Variants in NOC3L observed in about 807,000 individuals in gnomAD.
NOC3L encodes nucleolar complex protein 3 homolog.
NOC3L carries 85 observed loss-of-function variants against 102.5 expected under a neutral mutation model. The ratio of observed to expected loss-of-function variants is 0.83; its 90% CI spans 0.70 to 0.99. The LOEUF is 0.99. Ranked by LOEUF, NOC3L falls within the 50% of genes least tolerant of loss-of-function variation. NOC3L has a pLI of 0.00. For missense variants in NOC3L, 878 were observed against 914.9 expected (o/e 0.96, Z 0.52); for synonymous variants, 303 against 309.4 (o/e 0.98, Z 0.22).
the NOC3L span, among the ~76,000 whole-genome samples, chr10:94,319,864 C>CCTTTTTTTTTTTTT: frequency 1.1e-5 from 1 of 92,914 alleles, no homozygotes; most frequent in Non-Finnish European, 2.2e-5. Flanking sequence ...CAAAGGTGCT[C>CCTTTTTTTTTTTTT]TTTTTTTTTT....
Position 94,346,586 on chromosome 10 carries a change from A to C in NOC3L, c.1258-30T>G, listed in dbSNP as rs781282480. 96 of 1,214,700 alleles carry C rather than the reference A, an allele frequency of 7.9e-5. No homozygotes were observed. The Middle Eastern group carries it at 8.7e-4, about 11-fold the overall frequency. 75.2% of individuals were successfully genotyped at this position (1,214,700 alleles called of 1,614,324 possible). On this transcript the variant is annotated intron_variant, in intron 10 of 20. Transcript: ENST00000371361. Reference sequence around the variant, plus strand: ...TATTGGAAAAAAAACACAAATATACAGCTTAATATTTATATTGCCCTCAAA... The same window carrying C: ...TATTGGAAAAAAAACACAAATATACCGCTTAATATTTATATTGCCCTCAAA...
At chr10:94,335,580 G>A (rs2054209084) in intron 19 of NOC3L, among the ~76,000 whole-genome samples, 1 of 152,154 alleles carries the variant, frequency 6.6e-6, no homozygotes, top group African/African-American at 2.4e-5. Flanking sequence ...ATGGAAAACT[G>A]CAGAGCTCTT....
chr10:94,331,962 C>T (rs2054163573), downstream of NOC3L: 1 of 151,900 alleles, frequency 6.6e-6, no homozygotes, highest in Non-Finnish European at 1.5e-5. Flanking sequence ...ACCTCCACCT[C>T]CCAGGTTCAA....
In NOC3L at chr10:94,334,092, A is replaced by G. The variant is rs182312006; in HGVS notation, c.*85T>C. On this transcript the variant is annotated 3_prime_UTR_variant, in exon 21 of 21. Coordinates refer to ENST00000371361, the MANE Select transcript of NOC3L (RefSeq NM_022451.11). ...CTTAGGAAGCTTTCCTTGTATAAAA[A>G]GAAAAGATCCTAAGTTAACAACTCA... 2.7e-3 allele frequency: 1,831 copies of G among 672,512 alleles called. 11 individuals are homozygous for G. Among genetic ancestry groups the G allele is most frequent in the Non-Finnish European group, 2.6e-3 (1,017 of 385,922 alleles). 41.7% of individuals were successfully genotyped at this position (672,512 alleles called of 1,614,324 possible).
intron 11 of NOC3L, among the ~76,000 whole-genome samples, chr10:94,346,087 A>G (rs2054339610): frequency 6.6e-6 from 1 of 152,164 alleles, no homozygotes; most frequent in Non-Finnish European, 1.5e-5. Flanking sequence ...ATTAACAGAA[A>G]CTCACTTTGC....
At chr10:94,324,768 C>G in the NOC3L span, 10 of 1,045,686 alleles carry the variant, frequency 9.6e-6, no homozygotes, top group Admixed American at 1.7e-4. Context: ...TAGAGGGGAG[C>G]TCCTCAGCCC....
chr10:94,352,363 CCTT>C lies in NOC3L; in HGVS notation c.896_898del (p.Glu299del). 6.2e-7 allele frequency: 1 copy of C among 1,613,830 alleles called. No individual in the cohort carries two copies. The highest frequency in any genetic ancestry group is 1.7e-4 in the Middle Eastern group (1 of 6,016). ...ATAAAACTTGTATTGGCTAACCAGGCCTTCTTCAAATTCTCTTAACTTCTGGGT... is the reference window on the plus strand; with the variant it reads ...ATAAAACTTGTATTGGCTAACCAGGCCTTCAAATTCTCTTAACTTCTGGGT... On this transcript the variant is annotated inframe_deletion, in exon 8 of 21. Transcript: ENST00000371361.
At chr10:94,348,761 T>C (rs1157236723) in intron 10 of NOC3L, among the ~76,000 whole-genome samples, 1 of 152,166 alleles carries the variant, frequency 6.6e-6, no homozygotes, top group East Asian at 1.9e-4. Flanking sequence ...GTGATTACTG[T>C]TGGATCCAGC....
the NOC3L span, chr10:94,324,385 A>G: frequency 6.2e-7 from 1 of 1,614,086 alleles, no homozygotes; most frequent in Non-Finnish European, 8.5e-7. Context: ...CAGCATCCTG[A>G]GCAACCCCAA....
intron 10 of NOC3L, among the ~76,000 whole-genome samples, chr10:94,348,151 C>T (rs1220858980): frequency 6.7e-6 from 1 of 149,084 alleles, no homozygotes; most frequent in African/African-American, 2.4e-5. Context: ...ATATATTAAA[C>T]TATATAAAAT....
chr10:94,327,094 G>A, the NOC3L span, among the ~76,000 whole-genome samples: 2 of 151,014 alleles, frequency 1.3e-5, no homozygotes, highest in African/African-American at 4.9e-5. Context: ...CCCGGGAGAC[G>A]GAGGTTGCAG....
chr10:94,360,265 G>A (rs907513431), intron 2 of NOC3L, among the ~76,000 whole-genome samples: 6 of 152,032 alleles, frequency 3.9e-5, no homozygotes, highest in Non-Finnish European at 7.4e-5. Flanking sequence ...GCAGTGAGCC[G>A]GGATCGTGCC....
At chr10:94,334,331 T>C in intron 20 of NOC3L, 26 bp from the exon 21 acceptor site, 1 of 1,466,348 alleles carries the variant, frequency 6.8e-7, no homozygotes, top group Non-Finnish European at 9.5e-7. Context: ...AAGTATGAGT[T>C]AGAAGTTACT....
chr10:94,338,474 C>T (rs143849339), intron 18 of NOC3L, 134 bp downstream of exon 18: 15 of 934,350 alleles, frequency 1.6e-5, no homozygotes, highest in Middle Eastern at 2.6e-4. Context: ...CATACTAACA[C>T]AGGAATTCTA....
At position 94,357,184 on chromosome 10, in the gene NOC3L, C is replaced by T; in HGVS notation, c.498G>A (p.Arg166=). The T allele has an allele frequency of 6.3e-7, 1 of 1,580,008 alleles. No homozygotes were observed. Among genetic ancestry groups the T allele is most frequent in the Non-Finnish European group, 8.6e-7 (1 of 1,163,610 alleles). The change falls in exon 4 of 21, where the codon AGG becomes AGA. Residue 166 remains arginine, a synonymous_variant. Transcript: ENST00000371361. ...KDKSGIIPQT[R]EKPVTDSNKD... is the part of the protein sequence containing the mutation. The stretch of plus-strand genomic sequence containing the variant: ...GTTTATTAGACTCACCTGGCTTCTC[C>T]CTAGTCTGTGGGATTATACCACTTT...
intron 14 of NOC3L, among the ~76,000 whole-genome samples, chr10:94,340,838 G>A (rs369826437): frequency 4.6e-5 from 7 of 151,752 alleles, no homozygotes; most frequent in East Asian, 1.9e-4. Flanking sequence ...AAAATTAACC[G>A]GGCATGGTGG....
chr10:94,362,210 T>C (rs1234070716), intron 1 of NOC3L, among the ~76,000 whole-genome samples: 1 of 152,232 alleles, frequency 6.6e-6, no homozygotes, highest in East Asian at 1.9e-4. Flanking sequence ...CTGTCTTTAA[T>C]AAAACTTACA....
At chr10:94,329,801 A>AAC (rs2054137071), downstream of NOC3L, 3 of 148,360 alleles carry the variant, frequency 2.0e-5, no homozygotes, top group South Asian at 4.2e-4. Context: ...AAAAAAAAAA[A>AAC]AAAAAAAAAA....
At chr10:94,320,417 G>A in the NOC3L span, among the ~76,000 whole-genome samples, 1 of 152,038 alleles carries the variant, frequency 6.6e-6, no homozygotes. Context: ...TAAATGATTG[G>A]GGCAAGCTTC....
Sources: gnomAD v4.1 joint callset for allele counts (sites outside exome capture counted in the v4.1 genomes callset) on GRCh38, gnomAD v4.1.1 for gene constraint, MANE v1.5 for transcripts, NCBI Gene and HGNC (gene_info 2026-07-23, HGNC 2026-07-21) for gene names.